Variants in SGCG observed in about 807,000 individuals in gnomAD.
SGCG encodes gamma-sarcoglycan.
Under a neutral mutation model 29.3 loss-of-function variants are expected in SGCG, and 26 were observed. The ratio of observed to expected loss-of-function variants is 0.89; its 90% CI spans 0.65 to 1.23. SGCG has a LOEUF of 1.23. SGCG is among the 50% of genes most tolerant of loss of function. The probability of loss-of-function intolerance (pLI) is 0.00; values close to 1 mark genes in which losing one functional copy is unlikely to be tolerated. For synonymous variants in SGCG, 145 were observed against 129.7 expected, an observed-to-expected ratio of 1.12 and a Z score of -0.80; for missense variants, 353 against 356.0, an observed-to-expected ratio of 0.99 and a Z score of 0.07.
intron 2 of SGCG, among the ~76,000 whole-genome samples, chr13:23,229,377 A>T (rs1325788083): frequency 6.6e-6 from 1 of 152,210 alleles, no homozygotes; most frequent in African/African-American, 2.4e-5. Context: ...GAGTTGCCAC[A>T]CTGCTTTCCA....
At chr13:23,281,801 G>A (rs717825) in intron 5 of SGCG, among the ~76,000 whole-genome samples, 67,072 of 151,884 alleles carry the variant, frequency 0.44, 15,481 homozygotes, top group Middle Eastern at 0.65. Context: ...TAGGAGGCGG[G>A]GCTCAGGCAG....
At chr13:23,204,067 C>T (rs1457119979) in intron 2 of SGCG, among the ~76,000 whole-genome samples, 178 bp downstream of exon 2, 1 of 151,042 alleles carries the variant, frequency 6.6e-6, no homozygotes, top group Non-Finnish European at 1.5e-5. Context: ...TTCCTTAAAC[C>T]TCATTGTGAA....
intron 1 of SGCG, among the ~76,000 whole-genome samples, chr13:23,182,894 G>A (rs528976638): frequency 1.3e-5 from 2 of 152,202 alleles, no homozygotes; most frequent in Non-Finnish European, 2.9e-5. Context: ...GCTTTGGAAG[G>A]ATCACTGCAG....
chr13:23,217,751 G>A (rs138727964), intron 2 of SGCG, among the ~76,000 whole-genome samples: 43 of 151,932 alleles, frequency 2.8e-4, no homozygotes, highest in Admixed American at 1.2e-3. Flanking sequence ...CAACTGAAAT[G>A]TCAGAAATTA....
chr13:23,170,868 C>T, the SGCG span, among the ~76,000 whole-genome samples: 1 of 152,180 alleles, frequency 6.6e-6, no homozygotes, highest in Non-Finnish European at 1.5e-5. Flanking sequence ...CTGCCTTCAG[C>T]CTATGACCGT....
intron 6 of SGCG, among the ~76,000 whole-genome samples, chr13:23,315,831 G>A (rs1320370852): frequency 6.6e-6 from 1 of 152,206 alleles, no homozygotes; most frequent in Non-Finnish European, 1.5e-5. Context: ...GAGATATGTG[G>A]ATGGACCTCT....
chr13:23,197,933 C>T (rs1357561245), intron 1 of SGCG, among the ~76,000 whole-genome samples: 1 of 146,646 alleles, frequency 6.8e-6, no homozygotes, highest in African/African-American at 2.7e-5. Context: ...AGTAAAGAAA[C>T]TTTTAAAAGT....
chr13:23,174,949 G>T, the SGCG span, among the ~76,000 whole-genome samples: 1 of 152,134 alleles, frequency 6.6e-6, no homozygotes, highest in Admixed American at 6.5e-5. Flanking sequence ...GACGAGAGCG[G>T]CGTGCACCAT....
chr13:23,279,303 A>G, intron 4 of SGCG, 56 bp from the exon 5 acceptor site: 1 of 1,565,012 alleles, frequency 6.4e-7, no homozygotes, highest in Non-Finnish European at 8.8e-7. Context: ...GTAAAAATAG[A>G]GATTTGGACA....
At chr13:23,197,312 T>C (rs1197103219) in intron 1 of SGCG, among the ~76,000 whole-genome samples, 8 of 152,182 alleles carry the variant, frequency 5.3e-5, no homozygotes, top group Non-Finnish European at 1.2e-4. Flanking sequence ...TACCTTGTCA[T>C]TTGGAGGGAC....
At chr13:23,259,236 A>C (rs1162129485) in intron 4 of SGCG, among the ~76,000 whole-genome samples, 5 of 152,076 alleles carry the variant, frequency 3.3e-5, no homozygotes, top group Non-Finnish European at 7.4e-5. Context: ...TTATTGGTCT[A>C]TTCAGGGATT....
At chr13:23,321,649 G>C (rs1883045635) in intron 7 of SGCG, among the ~76,000 whole-genome samples, 1 of 152,174 alleles carries the variant, frequency 6.6e-6, no homozygotes, top group African/African-American at 2.4e-5. Flanking sequence ...CATGTCCTGG[G>C]CTGGACGGCT....
At chr13:23,212,026 T>C (rs992750530) in intron 2 of SGCG, among the ~76,000 whole-genome samples, 5 of 152,100 alleles carry the variant, frequency 3.3e-5, no homozygotes, top group Admixed American at 1.3e-4. Context: ...TGAGATCTGG[T>C]TGGTTGAGTG....
intron 1 of SGCG, among the ~76,000 whole-genome samples, chr13:23,197,577 A>C (rs1310246770): frequency 6.6e-6 from 1 of 152,212 alleles, no homozygotes; most frequent in Non-Finnish European, 1.5e-5. Flanking sequence ...TGAAGATTAG[A>C]AAGATGGCTT....
At chr13:23,286,737 ATCTC>A (rs34185481) in intron 5 of SGCG, among the ~76,000 whole-genome samples, 1 of 151,776 alleles carries the variant, frequency 6.6e-6, no homozygotes, top group East Asian at 1.9e-4. Context: ...TGTGAATGTC[ATCTC>A]TCTCTCTGTC....
intron 4 of SGCG, among the ~76,000 whole-genome samples, chr13:23,262,940 A>G (rs908516016): frequency 6.6e-6 from 1 of 152,072 alleles, no homozygotes; most frequent in Non-Finnish European, 1.5e-5. Context: ...ATGGAAATTT[A>G]AAAATGTTTC....
At chr13:23,295,621 G>T in intron 6 of SGCG, 134 bp downstream of exon 6, 2 of 736,770 alleles carry the variant, frequency 2.7e-6, no homozygotes, top group South Asian at 2.9e-5. Flanking sequence ...AAGACTTTCC[G>T]CTTATAACTA....
intron 2 of SGCG, among the ~76,000 whole-genome samples, chr13:23,223,499 T>C (rs75508542): frequency 1.3e-5 from 2 of 151,916 alleles, no homozygotes; most frequent in African/African-American, 2.4e-5. Flanking sequence ...TTTTAAAGAT[T>C]AGTTCAACAG....
intron 4 of SGCG, chr13:23,268,837 GA>G (rs71185064): frequency 0.085 from 12,862 of 150,522 alleles, 710 homozygotes; most frequent in South Asian, 0.15. Context: ...GAAAGATACT[GA>G]AATAAACAGC....
Sources: gnomAD v4.1 joint callset for allele counts (sites outside exome capture counted in the v4.1 genomes callset) on GRCh38, gnomAD v4.1.1 for gene constraint, MANE v1.5 for transcripts, NCBI Gene and HGNC (gene_info 2026-07-23, HGNC 2026-07-21) for gene names.